The following ZNF718 variants were observed in gnomAD, a reference collection of about 807,000 sequenced individuals.
The protein encoded by ZNF718 is zinc finger protein 718.
In ZNF718, 3 loss-of-function variants were observed where a neutral mutation model predicts 2.6. The observed-to-expected ratio is 1.16, with a 90% CI of 0.53 to 3.01. The LOEUF (loss-of-function observed/expected upper bound fraction) is 3.01, where lower values mean the gene tolerates loss of function less well. ZNF718 is among the 30% of genes most tolerant of loss of function. The pLI is 0.03. For synonymous variants in ZNF718, 135 were observed against 77.9 expected (o/e 1.73, Z -3.86); for missense variants, 468 against 230.0 (o/e 2.03, Z -6.69).
chr4:170,395 T>G (rs1487771588), intron 3 of ZNF718, among the ~76,000 whole-genome samples: 1 of 151,832 alleles, frequency 6.6e-6, no homozygotes, highest in Admixed American at 6.6e-5. Context: ...ATGTTGGCCT[T>G]CCTTGCTAGA....
intron 3 of ZNF718, among the ~76,000 whole-genome samples, chr4:176,229 G>T (rs1717343887): frequency 6.6e-6 from 1 of 152,020 alleles, no homozygotes; most frequent in South Asian, 2.1e-4. Flanking sequence ...GGTAAAAATG[G>T]CCTACTTGGC....
intron 3 of ZNF718, among the ~76,000 whole-genome samples, chr4:176,104 C>G (rs946292851): frequency 2.6e-5 from 4 of 151,962 alleles, no homozygotes; most frequent in African/African-American, 9.7e-5. Context: ...CTAAAAGCAC[C>G]CTTATAAGCT....
At chr4:176,868 A>T (rs1365204541) in intron 3 of ZNF718, among the ~76,000 whole-genome samples, 1 of 152,226 alleles carries the variant, frequency 6.6e-6, no homozygotes, top group Non-Finnish European at 1.5e-5. Flanking sequence ...AATATCAGAT[A>T]CTGGGCAGCC....
At chr4:197,035 A>G (rs1717805668) in intron 3 of ZNF718, among the ~76,000 whole-genome samples, 1 of 147,184 alleles carries the variant, frequency 6.8e-6, no homozygotes, top group African/African-American at 2.5e-5. Context: ...GTGGCCCGCC[A>G]CATCTTGGGA....
intron 3 of ZNF718, among the ~76,000 whole-genome samples, chr4:174,208 T>C (rs1553818690): frequency 6.6e-6 from 1 of 152,146 alleles, no homozygotes; most frequent in African/African-American, 2.4e-5. Flanking sequence ...AGAAGGTTTG[T>C]GTCTTTCCCT....
At chr4:180,268 A>T (rs1199642885) in intron 3 of ZNF718, among the ~76,000 whole-genome samples, 2 of 152,216 alleles carry the variant, frequency 1.3e-5, no homozygotes, top group Non-Finnish European at 2.9e-5. Flanking sequence ...TTGTCTAACA[A>T]TATTTTACTT....
intron 3 of ZNF718, among the ~76,000 whole-genome samples, chr4:169,476 G>A (rs1014140275): frequency 3.3e-5 from 5 of 152,110 alleles, no homozygotes; most frequent in African/African-American, 4.8e-5. Context: ...TTATTATTGT[G>A]TGGGAGTCTA....
intron 3 of ZNF718, chr4:136,282 C>A: frequency 2.1e-6 from 1 of 475,488 alleles, no homozygotes; most frequent in Non-Finnish European, 4.2e-6. Context: ...GTACAACTGG[C>A]CATGGACTGT....
intron 3 of ZNF718, among the ~76,000 whole-genome samples, chr4:132,717 A>G (rs1715377142): frequency 9.6e-6 from 1 of 104,626 alleles, no homozygotes; most frequent in African/African-American, 3.3e-5. Flanking sequence ...CCTAAATATG[A>G]AAAAATGTAA....
At position 195,101 on chromosome 4, in the gene ZNF718, G is replaced by T. The variant is rs551082099; in HGVS notation, c.227-5980G>T. Among the ~76,000 whole-genome samples the T allele has an allele frequency of 2.4e-4, 36 of 152,184 alleles. No homozygotes were observed. In the South Asian group the frequency reaches 7.5e-3, roughly 32 times the overall value. On this transcript the variant is annotated intron_variant and NMD_transcript_variant, in intron 3 of 4. Transcript: ENST00000642529. ...TGCTCAGGGGTGAGTCCTAGAGCTG[G>T]GCTGGGTTCCTGAGTATTTCATAAC...
chr4:148,371 G>A (rs1295083704), intron 3 of ZNF718, among the ~76,000 whole-genome samples: 1 of 152,060 alleles, frequency 6.6e-6, no homozygotes, highest in Non-Finnish European at 1.5e-5. Context: ...CACTTCGGGA[G>A]GCCAAGGTGG....
chr4:180,356 G>T lies in ZNF718; in HGVS notation c.227-20725G>T, dbSNP rs200328807. Among the ~76,000 whole-genome samples, 7 of 152,298 alleles carry T rather than the reference G, an allele frequency of 4.6e-5. No homozygotes were observed. The East Asian group carries it at 1.3e-3, about 29-fold the overall frequency. ...GTTGCTTATTTGTAAATTAGTCTAG[G>T]CAGAATGATCAGTCTAGAAAAGAAT... On this transcript the variant is annotated intron_variant and NMD_transcript_variant, in intron 3 of 4. Coordinates refer to the ZNF718 transcript ENST00000642529.
intron 3 of ZNF718, among the ~76,000 whole-genome samples, chr4:193,244 C>CCCTTT (rs781739950): frequency 2.1e-4 from 32 of 152,002 alleles, no homozygotes; most frequent in Non-Finnish European, 3.1e-4. Context: ...CCTTCTATTT[C>CCCTTT]CCTTTCCTTT....
At chr4:147,567 T>C (rs1055552394) in intron 3 of ZNF718, among the ~76,000 whole-genome samples, 4 of 152,162 alleles carry the variant, frequency 2.6e-5, no homozygotes, top group Non-Finnish European at 5.9e-5. Flanking sequence ...CCAAACTTTC[T>C]TCAAGATGTT....
chr4:172,223 A>T (rs1717253791), intron 3 of ZNF718, among the ~76,000 whole-genome samples: 1 of 152,100 alleles, frequency 6.6e-6, no homozygotes, highest in African/African-American at 2.4e-5. Flanking sequence ...AGTAACCAGC[A>T]TTTTGCCGTC....
chr4:175,547 ATTCT>A (rs1717328979), intron 3 of ZNF718, among the ~76,000 whole-genome samples: 1 of 152,182 alleles, frequency 6.6e-6, no homozygotes, highest in Non-Finnish European at 1.5e-5. Flanking sequence ...GGCACTGTTT[ATTCT>A]TTCTTTAACC....
intron 3 of ZNF718, chr4:149,810 C>T (rs1716235249): frequency 6.6e-6 from 1 of 152,054 alleles, no homozygotes; most frequent in Admixed American, 6.5e-5. Flanking sequence ...TTCTGTGAGA[C>T]AAACACTTTT....
At position 137,347 on chromosome 4, in the gene ZNF718, T is replaced by C. The variant is rs888646874; in HGVS notation, c.226+5842T>C. 3.3e-5 allele frequency among the ~76,000 whole-genome samples: 5 copies of C among 152,320 alleles called. No individual in the cohort carries two copies. In the South Asian group the frequency reaches 8.3e-4, roughly 25 times the overall value. The stretch of plus-strand genomic sequence containing the variant: ...TGGATGTGCAAATATTTCTGTCAGA[T>C]ATACTTTGCATATTTTGAATAGGAT... On this transcript the variant is annotated intron_variant, in intron 3 of 3. Coordinates refer to ENST00000510175, the MANE Select transcript of ZNF718 (RefSeq NM_001039127.6).
intron 3 of ZNF718, among the ~76,000 whole-genome samples, chr4:193,815 T>C (rs918975920): frequency 5.3e-5 from 8 of 152,170 alleles, no homozygotes; most frequent in African/African-American, 1.9e-4. Context: ...TGCTGGATCA[T>C]CTGGTTAGTG....
Sources: allele counts gnomAD v4.1 joint callset (sites outside exome capture counted in the v4.1 genomes callset), GRCh38; gene constraint gnomAD v4.1.1; transcripts MANE v1.5; gene names NCBI Gene and HGNC (gene_info 2026-07-23, HGNC 2026-07-21).